The following EPS8L1 variants were observed in gnomAD, a reference collection of about 807,000 sequenced individuals.
EPS8L1 encodes the protein EPS8 signaling adaptor L1.
A neutral mutation model predicts 91.7 loss-of-function variants in EPS8L1; 101 were observed. That is an observed-to-expected ratio of 1.10 (90% CI 0.94 to 1.30). The LOEUF is 1.30. EPS8L1 is among the 50% of genes most tolerant of loss of function. EPS8L1 has a pLI of 0.00. For synonymous variants in EPS8L1, 506 were observed against 445.3 expected, an observed-to-expected ratio of 1.14 and a Z score of -1.72; for missense variants, 1,114 against 1,017.0, an observed-to-expected ratio of 1.10 and a Z score of -1.30.
chr19:55,081,889 G>A lies in EPS8L1; in HGVS notation c.891G>A (p.Arg297=). Residue 297 remains arginine, a synonymous_variant, in exon 9 of 20, where the codon CGG becomes CGA. Coordinates refer to ENST00000201647, the MANE Select transcript of EPS8L1 (RefSeq NM_133180.3). This position sits in a 1 kb window ranked among gnomAD's most constrained non-coding sequence, Gnocchi z 4.9. ...AACGCGGCCGCAGGAGCCGGCGCCG[G>A]GCGGCTGGGGGTAAGGGGCACCCTG... ...HRERGRRSRR[R]AAGEGLLTLR... is the part of the protein sequence containing the mutation. The A allele has an allele frequency of 6.2e-7, 1 of 1,608,166 alleles. No individual in the cohort carries two copies. The highest frequency in any genetic ancestry group is 8.5e-7 in the Non-Finnish European group (1 of 1,176,674).
In EPS8L1 at chr19:55,083,444, G is replaced by A. The variant is rs1304486397; in HGVS notation, c.1281G>A (p.Pro427=). 1.9e-6 allele frequency: 3 copies of A among 1,612,626 alleles called. No homozygotes were observed. The African/African-American group carries it at 4.0e-5, about 22-fold the overall frequency. Reference sequence around the variant, plus strand: ...AGTTCTTCAGCGGCTGGGAGCCGCCGGTCACTGACCCGCAGAGCCGCGCCT... The same window carrying A: ...AGTTCTTCAGCGGCTGGGAGCCGCCAGTCACTGACCCGCAGAGCCGCGCCT... ...RPEFFSGWEP[P]VTDPQSRAWE... Residue 427 remains proline, a synonymous_variant, in exon 13 of 20, where the codon CCG becomes CCA. Coordinates refer to ENST00000201647, the MANE Select transcript of EPS8L1 (RefSeq NM_133180.3). The surrounding 1 kb of genome is among the most constrained non-coding windows in gnomAD (Gnocchi z 4.7).
intron 1 of EPS8L1, 158 bp from the exon 2 acceptor site, chr19:55,076,250 C>A: frequency 1.6e-6 from 1 of 610,558 alleles, no homozygotes; most frequent in Non-Finnish European, 2.8e-6. Flanking sequence ...GGACTGGGGC[C>A]TGGACTTCTG....
At chr19:55,082,238 C>A in intron 10 of EPS8L1, 37 bp from the exon 11 acceptor site, 1 of 1,602,464 alleles carries the variant, frequency 6.2e-7, no homozygotes, top group East Asian at 2.3e-5. Flanking sequence ...GTCCCGTCCC[C>A]GCACCCACGC....
At chr19:55,086,635 G>GGCCCCCCCCCCCCCCCCCCCGGGCCCCCC in intron 17 of EPS8L1, 79 bp from the exon 18 acceptor site, 1 of 1,307,714 alleles carries the variant, frequency 7.6e-7, no homozygotes, top group Non-Finnish European at 1.1e-6. Flanking sequence ...ACGCTGGAGC[G>GGCCCCCCCCCCCCCCCCCCCGGGCCCCCC]CCCCCCCGCC....
At chr19:55,086,635 G>GGCGCC in intron 17 of EPS8L1, 79 bp from the exon 18 acceptor site, 2 of 1,307,712 alleles carry the variant, frequency 1.5e-6, no homozygotes, top group Non-Finnish European at 1.1e-6. Context: ...ACGCTGGAGC[G>GGCGCC]CCCCCCCGCC....
chr19:55,087,382 G>A lies in EPS8L1; in HGVS notation c.2032G>A (p.Glu678Lys). Residue 678 changes from glutamate to lysine, a missense_variant, in exon 19 of 20, where the codon GAG (glutamate) becomes AAG (lysine). Coordinates refer to ENST00000201647, the MANE Select transcript of EPS8L1 (RefSeq NM_133180.3). ...QKEELRAVSP[E>K]EGARVYSQVT... is the part of the protein sequence containing the mutation. ...GGAGGAGCTGCGGGCGGTGAGCCCCGAGGAGGGGGCACGTGTGTACAGCCA... is the reference window on the plus strand; with the variant it reads ...GGAGGAGCTGCGGGCGGTGAGCCCCAAGGAGGGGGCACGTGTGTACAGCCA... The A allele has an allele frequency of 6.2e-7, 1 of 1,613,394 alleles. No individual in the cohort carries two copies. The highest frequency in any genetic ancestry group is 8.5e-7 in the Non-Finnish European group (1 of 1,179,642).
chr19:55,076,595 G>A, intron 2 of EPS8L1, 134 bp downstream of exon 2: 8 of 1,078,224 alleles, frequency 7.4e-6, no homozygotes, highest in Non-Finnish European at 1.1e-5. Context: ...CGACACTCAG[G>A]AGGAAGCCAG....
chr19:55,077,797 C>T (rs2076159976), intron 2 of EPS8L1, among the ~76,000 whole-genome samples: 1 of 151,156 alleles, frequency 6.6e-6, no homozygotes, highest in African/African-American at 2.4e-5. Flanking sequence ...CCATGTTGGC[C>T]AAGATGGTCT....
At chr19:55,079,995 C>G in intron 5 of EPS8L1, 134 bp from the exon 6 acceptor site, 1 of 1,435,028 alleles carries the variant, frequency 7.0e-7, no homozygotes, top group South Asian at 1.4e-5. Flanking sequence ...ATAGCCTCAT[C>G]TATTAAACAG....
chr19:55,086,638 CCCCCG>C, intron 17 of EPS8L1, 71 bp from the exon 18 acceptor site: 1 of 1,436,732 alleles, frequency 7.0e-7, no homozygotes, highest in Non-Finnish European at 9.5e-7. Context: ...CTGGAGCGCC[CCCCCG>C]CCCCGCCCTC....
chr19:55,078,152 C>T lies in EPS8L1; in HGVS notation c.58+24C>T, dbSNP rs780957072. 3 of 1,612,242 alleles carry T rather than the reference C, an allele frequency of 1.9e-6. No individual in the cohort carries two copies. The East Asian group carries it at 6.7e-5, about 36-fold the overall frequency. On this transcript the variant is annotated intron_variant, in intron 3 of 19. Transcript: ENST00000201647. ...TGGTGAGCGGGGGGCAAGGGAGCCC[C>T]AGGCCCATAGAACTGGGTCTAAAGA...
chr19:55,087,366 G>T lies in EPS8L1; in HGVS notation c.2016G>T (p.Leu672=), dbSNP rs770979680. ...AQLFSLQKEE[L]RAVSPEEGAR... ...TTTTCTCGCTGCAGAAGGAGGAGCT[G>T]CGGGCGGTGAGCCCCGAGGAGGGGG... The change falls in exon 19 of 20, where the codon CTG becomes CTT. Residue 672 remains leucine (L), a synonymous_variant. Coordinates refer to ENST00000201647, the MANE Select transcript of EPS8L1 (RefSeq NM_133180.3). 1.5e-5 allele frequency: 24 copies of T among 1,613,186 alleles called. No homozygotes were observed. The highest frequency in any genetic ancestry group is 1.9e-5 in the Non-Finnish European group (23 of 1,179,696).
chr19:55,080,112 G>A lies in EPS8L1; in HGVS notation c.280-17G>A. 1 of 1,476,244 alleles carries A rather than the reference G, an allele frequency of 6.8e-7. No homozygotes were observed. The highest frequency in any genetic ancestry group is 9.0e-7 in the Non-Finnish European group (1 of 1,108,766). The allele number at this position is 1,476,244 out of a possible 1,614,324, so 91.4% of individuals were successfully genotyped here. ...TCATTTCGGGGCCTCAGTTTACCCC[G>A]CCATCCCACCCGGCAGGAGGAGCTG... On this transcript the variant is annotated splice_polypyrimidine_tract_variant and intron_variant, in intron 5 of 19. Transcript: ENST00000201647.
chr19:55,076,590 C>G (rs1238595398), intron 2 of EPS8L1, 129 bp downstream of exon 2: 1 of 1,148,496 alleles, frequency 8.7e-7, no homozygotes, highest in South Asian at 1.5e-5. Context: ...AGCCCCGACA[C>G]TCAGGAGGAA....
chr19:55,087,267 G>C (rs539475112), intron 18 of EPS8L1, 36 bp from the exon 19 acceptor site: 2 of 1,565,350 alleles, frequency 1.3e-6, no homozygotes, highest in African/African-American at 2.7e-5. Context: ...GGCATCCGCC[G>C]ACCGGCCTGA....
intron 5 of EPS8L1, 21 bp downstream of exon 5, chr19:55,079,872 G>C (rs755230546): frequency 3.1e-6 from 5 of 1,599,008 alleles, no homozygotes; most frequent in Non-Finnish European, 4.3e-6. Flanking sequence ...GCACGTGGGT[G>C]GGAGGAGTGT....
At position 55,081,840 on chromosome 19, in the gene EPS8L1, C is replaced by T. The variant is rs2076270561; in HGVS notation, c.842C>T (p.Ala281Val). The change falls in exon 9 of 20, where the codon GCG becomes GTG. Residue 281 changes from alanine to valine, a missense_variant. Transcript: ENST00000201647. The surrounding 1 kb of genome is among the most constrained non-coding windows in gnomAD (Gnocchi z 4.9). ...FVSRLQKSAE[A>V]ARVLEHRERG... ...TCGAGGCTGCAGAAGTCGGCGGAGGCGGCCAGGGTGCTGGAGCACCGGGAA... is the reference window on the plus strand; with the variant it reads ...TCGAGGCTGCAGAAGTCGGCGGAGGTGGCCAGGGTGCTGGAGCACCGGGAA... The T allele has an allele frequency of 6.2e-7, 1 of 1,612,382 alleles. No homozygotes were observed. Among genetic ancestry groups the T allele is most frequent in the Non-Finnish European group, 8.5e-7 (1 of 1,179,144 alleles).
At chr19:55,086,037 C>A in intron 15 of EPS8L1, 24 bp from the exon 16 acceptor site, 1 of 1,597,056 alleles carries the variant, frequency 6.3e-7, no homozygotes, top group Non-Finnish European at 8.6e-7. Flanking sequence ...AGGCTCTGAA[C>A]CCTCTGTTCT....
rs1015240913 is a variant in EPS8L1 at position 55,076,582 on chromosome 19, C to T, written c.17+121C>T. ...GCGGCGGCCCAGACTCTGGCCCAAG[C>T]CCCGACACTCAGGAGGAAGCCAGAG... On this transcript the variant is annotated intron_variant, in intron 2 of 19. Coordinates refer to ENST00000201647, the MANE Select transcript of EPS8L1 (RefSeq NM_133180.3). 6 of 1,210,566 alleles carry T rather than the reference C, an allele frequency of 5.0e-6. No homozygotes were observed. In the South Asian group the frequency reaches 7.3e-5, roughly 15 times the overall value. The allele number at this position is 1,210,566 out of a possible 1,614,324, so 75.0% of individuals were successfully genotyped here. A position where few individuals can be genotyped will look rare whatever the true frequency, so the allele number is the denominator to read the frequency against.
Sources: allele counts gnomAD v4.1 joint callset (sites outside exome capture counted in the v4.1 genomes callset), GRCh38; gene constraint gnomAD v4.1.1; non-coding constraint Gnocchi (gnomAD v3.1); transcripts MANE v1.5; gene names NCBI Gene and HGNC (gene_info 2026-07-23, HGNC 2026-07-21).